The following BAZ1A variants were observed in gnomAD, a reference collection of about 807,000 sequenced individuals.
BAZ1A encodes bromodomain adjacent to zinc finger domain 1A.
Under a neutral mutation model 185.2 loss-of-function variants are expected in BAZ1A, and 50 were observed. The ratio of observed to expected loss-of-function variants is 0.27; its 90% CI spans 0.22 to 0.34. BAZ1A has a LOEUF of 0.34. BAZ1A is among the 10% of genes least tolerant of loss of function. The probability of loss-of-function intolerance (pLI) is 1.00; values close to 1 mark genes in which losing one functional copy is unlikely to be tolerated. For missense variants in BAZ1A, 1,356 were observed against 1,839.9 expected (o/e 0.74, Z 4.81); for synonymous variants, 571 against 615.6 (o/e 0.93, Z 1.07).
At chr14:34,786,888 G>A (rs1024125119) in intron 12 of BAZ1A, among the ~76,000 whole-genome samples, 7 of 151,712 alleles carry the variant, frequency 4.6e-5, no homozygotes, top group East Asian at 3.9e-4. Flanking sequence ...GATTACAGGC[G>A]TGAACCATGG....
chr14:34,802,907 T>C lies in BAZ1A; in HGVS notation c.808A>G (p.Ser270Gly). 6.2e-7 allele frequency: 1 copy of C among 1,613,208 alleles called. No homozygotes were observed. Among genetic ancestry groups the C allele is most frequent in the South Asian group, 1.1e-5 (1 of 91,064 alleles). ...FPDDPPTFIF[S>G]PANRRRGRPP... The stretch of plus-strand genomic sequence containing the variant: ...CTCCCTCTTCGTCTGTTAGCAGGAC[T>C]GAAGATAAATGTGGGTGGATCATCA... Residue 270 changes from serine to glycine, a missense_variant, in exon 7 of 27, where the codon AGT becomes GGT. Ser to Gly is a moderately conservative substitution (Grantham distance 56, BLOSUM62 0). Coordinates refer to ENST00000360310, the MANE Select transcript of BAZ1A (RefSeq NM_013448.3).
At chr14:34,849,085 C>T (rs1259922841) in intron 3 of BAZ1A, among the ~76,000 whole-genome samples, 3 of 152,070 alleles carry the variant, frequency 2.0e-5, no homozygotes, top group African/African-American at 4.8e-5. Context: ...CGCACAAGGC[C>T]GGTTGAAGAC....
At chr14:34,786,612 T>TTTG (rs1182605846) in intron 12 of BAZ1A, 3 of 144,878 alleles carry the variant, frequency 2.1e-5, no homozygotes, top group Non-Finnish European at 2.9e-5. Context: ...TGTGTTTTTT[T>TTTG]TTTTTTTTTT....
chr14:34,753,761 A>G, intron 26 of BAZ1A, 57 bp from the exon 27 acceptor site: 4 of 1,320,788 alleles, frequency 3.0e-6, no homozygotes, highest in Non-Finnish European at 4.0e-6. Context: ...TATAATAAAT[A>G]TAATTCTTGT....
chr14:34,856,942 A>G, intron 3 of BAZ1A, among the ~76,000 whole-genome samples: 1 of 151,268 alleles, frequency 6.6e-6, no homozygotes. Context: ...AGAAAATAAC[A>G]AGGCCTGATT....
intron 5 of BAZ1A, among the ~76,000 whole-genome samples, chr14:34,809,508 A>G (rs2041898270): frequency 6.6e-6 from 1 of 152,224 alleles, no homozygotes; most frequent in Non-Finnish European, 1.5e-5. Flanking sequence ...CTACTTGTCA[A>G]TGCTACTCTA....
chr14:34,871,600 C>T (rs993466750), intron 2 of BAZ1A, among the ~76,000 whole-genome samples: 5 of 152,228 alleles, frequency 3.3e-5, no homozygotes, highest in Admixed American at 6.5e-5. Context: ...AGGCCAAGTG[C>T]GGTGGCTCAC....
intron 2 of BAZ1A, among the ~76,000 whole-genome samples, chr14:34,872,941 A>AAAACAAC (rs1555346584): frequency 8.2e-6 from 1 of 122,620 alleles, no homozygotes; most frequent in Non-Finnish European, 1.7e-5. Context: ...AAAAAAAAAA[A>AAAACAAC]CTTGTCCAAT....
chr14:34,760,128 C>T (rs1776781107), intron 24 of BAZ1A, among the ~76,000 whole-genome samples: 1 of 152,176 alleles, frequency 6.6e-6, no homozygotes, highest in African/African-American at 2.4e-5. Flanking sequence ...AAATTCTCTC[C>T]TTGCAGTGTA....
intron 17 of BAZ1A, 72 bp downstream of exon 17, chr14:34,780,114 G>A: frequency 6.4e-7 from 1 of 1,557,766 alleles, no homozygotes; most frequent in South Asian, 1.2e-5. Context: ...TTTCAGAGGA[G>A]CTGAATTAAT....
At chr14:34,820,554 G>C (rs2042074511) in intron 4 of BAZ1A, among the ~76,000 whole-genome samples, 1 of 152,154 alleles carries the variant, frequency 6.6e-6, no homozygotes, top group African/African-American at 2.4e-5. Flanking sequence ...AAGGTCTTTT[G>C]CAGAGTAAAA....
intron 17 of BAZ1A, among the ~76,000 whole-genome samples, chr14:34,779,352 G>A (rs1879889099): frequency 1.3e-5 from 2 of 151,664 alleles, no homozygotes; most frequent in Non-Finnish European, 2.9e-5. Context: ...ATTCAGTAAT[G>A]ATTAGTTTGA....
At chr14:34,769,445 T>C (rs933847609) in intron 21 of BAZ1A, among the ~76,000 whole-genome samples, 1 of 152,192 alleles carries the variant, frequency 6.6e-6, no homozygotes, top group Non-Finnish European at 1.5e-5. Context: ...TGGAATGAAA[T>C]TAATGTTTGA....
At chr14:34,757,098 C>A (rs529919101) in intron 25 of BAZ1A, among the ~76,000 whole-genome samples, 6 of 152,320 alleles carry the variant, frequency 3.9e-5, no homozygotes, top group African/African-American at 1.4e-4. Context: ...GGCACGGTGG[C>A]TCATGCCTGT....
chr14:34,783,034 G>T, intron 16 of BAZ1A, 85 bp downstream of exon 16: 1 of 1,077,124 alleles, frequency 9.3e-7, no homozygotes, highest in Non-Finnish European at 1.4e-6. Flanking sequence ...TTCTAAAAAT[G>T]TGAAAGCATT....
rs1314162898 is a variant in BAZ1A, at chr14:34,874,292, C to T, written c.113+200G>A. The T allele has an allele frequency of 9.0e-6, 5 of 553,508 alleles. No homozygotes were observed. The highest frequency in any genetic ancestry group is 3.4e-5 in the Admixed American group (1 of 29,448). 34.3% of individuals were successfully genotyped at this position (553,508 alleles called of 1,614,324 possible). On this transcript the variant is annotated intron_variant, in intron 2 of 26. Coordinates refer to ENST00000360310, the MANE Select transcript of BAZ1A (RefSeq NM_013448.3). The surrounding 1 kb of genome is among the most constrained non-coding windows in gnomAD (Gnocchi z 4.7). Reference sequence around the variant, plus strand: ...CCTCCGCCACTACCAACCCGCGTTCCCCACGCGCGCCGCCGCCAGTTGGCC... The same window carrying T: ...CCTCCGCCACTACCAACCCGCGTTCTCCACGCGCGCCGCCGCCAGTTGGCC...
chr14:34,828,915 C>G (rs570317167), intron 3 of BAZ1A, among the ~76,000 whole-genome samples: 1 of 152,216 alleles, frequency 6.6e-6, no homozygotes, highest in Admixed American at 6.5e-5. Flanking sequence ...TAGTGATTGC[C>G]AAAGCAAGGG....
chr14:34,758,651 TG>T, intron 25 of BAZ1A, 52 bp downstream of exon 25: 2 of 1,565,670 alleles, frequency 1.3e-6, no homozygotes, highest in Non-Finnish European at 1.7e-6. Flanking sequence ...AGTTATCACG[TG>T]GACTAAATCA....
intron 3 of BAZ1A, among the ~76,000 whole-genome samples, chr14:34,840,979 G>A (rs553122100): frequency 2.3e-4 from 35 of 151,184 alleles, no homozygotes; most frequent in African/African-American, 8.5e-4. Context: ...ATGGAGTTTC[G>A]CTCTTGTTGT....
Sources: allele counts gnomAD v4.1 joint callset (sites outside exome capture counted in the v4.1 genomes callset), GRCh38; gene constraint gnomAD v4.1.1; non-coding constraint Gnocchi (gnomAD v3.1); transcripts MANE v1.5; gene names NCBI Gene and HGNC (gene_info 2026-07-23, HGNC 2026-07-21).